The following ANXA4 variants were observed in gnomAD, a reference collection of about 807,000 sequenced individuals.
The protein encoded by ANXA4 is annexin A4, also known as 35-beta calcimedin.
ANXA4 carries 39 observed loss-of-function variants against 49.8 expected under a neutral mutation model. The observed-to-expected ratio is 0.78, with a 90% CI of 0.61 to 1.02. The LOEUF (loss-of-function observed/expected upper bound fraction) is 1.02. ANXA4 is among the 50% of genes least tolerant of loss of function. The probability of loss-of-function intolerance (pLI) is 0.00; values close to 1 mark genes in which losing one functional copy is unlikely to be tolerated. For synonymous variants in ANXA4, 134 were observed against 152.5 expected, an observed-to-expected ratio of 0.88 and a Z score of 0.89; for missense variants, 360 against 410.1, an observed-to-expected ratio of 0.88 and a Z score of 1.05.
intron 2 of ANXA4, among the ~76,000 whole-genome samples, chr2:69,658,781 GCC>G (rs1676603605): frequency 6.6e-6 from 1 of 152,084 alleles, no homozygotes; most frequent in African/African-American, 2.4e-5. Context: ...TGCAACCTCC[GCC>G]TCCCTGGTTC....
chr2:69,674,915 GT>G (rs71397341), intron 2 of ANXA4, among the ~76,000 whole-genome samples: 4,527 of 115,386 alleles, frequency 0.039, 135 homozygotes, highest in African/African-American at 0.12. Context: ...AACATAAACT[GT>G]TTTTTTTTTT....
intron 12 of ANXA4, among the ~76,000 whole-genome samples, chr2:69,821,255 T>C (rs2103896195): frequency 6.6e-6 from 1 of 152,206 alleles, no homozygotes; most frequent in South Asian, 2.1e-4. Flanking sequence ...GGCATGGTAG[T>C]GGTGAGAAAT....
At chr2:69,821,740 C>T (rs891190184) in intron 12 of ANXA4, among the ~76,000 whole-genome samples, 1 of 152,140 alleles carries the variant, frequency 6.6e-6, no homozygotes, top group East Asian at 1.9e-4. Flanking sequence ...GTGTGAGCCA[C>T]CATGCCCCAC....
At chr2:69,748,565 T>C (rs1670715428) in intron 1 of ANXA4, among the ~76,000 whole-genome samples, 1 of 151,186 alleles carries the variant, frequency 6.6e-6, no homozygotes, top group African/African-American at 2.4e-5. Flanking sequence ...ATTATTAATT[T>C]TACATATTAA....
At chr2:69,806,845 A>G (rs150013356) in intron 5 of ANXA4, among the ~76,000 whole-genome samples, 38 of 152,202 alleles carry the variant, frequency 2.5e-4, no homozygotes, top group African/African-American at 8.4e-4. Context: ...CTGTTGGAGG[A>G]TGGAGGGTGG....
chr2:69,809,150 C>T (rs559476110), intron 6 of ANXA4: 1 of 152,150 alleles, frequency 6.6e-6, no homozygotes, highest in Non-Finnish European at 1.5e-5. Context: ...GAAATGTTGT[C>T]AATGATTCTT....
chr2:69,806,263 GT>G, intron 4 of ANXA4, 121 bp from the exon 5 acceptor site: 1 of 652,390 alleles, frequency 1.5e-6, no homozygotes, highest in South Asian at 1.8e-5. Context: ...TCTGAGGATA[GT>G]TTTGACTTGC....
At chr2:69,653,490 C>CA (rs1676328597) in intron 2 of ANXA4, among the ~76,000 whole-genome samples, 1 of 152,136 alleles carries the variant, frequency 6.6e-6, no homozygotes, top group South Asian at 2.1e-4. Flanking sequence ...ACACAGGAAC[C>CA]AAATGCCCTC....
chr2:69,752,147 A>T (rs567829577), intron 1 of ANXA4, among the ~76,000 whole-genome samples: 8 of 152,290 alleles, frequency 5.3e-5, no homozygotes, highest in African/African-American at 1.9e-4. Flanking sequence ...TGAGAAAGCT[A>T]AGCCAAAGCA....
intron 2 of ANXA4, among the ~76,000 whole-genome samples, chr2:69,784,104 C>T (rs1672314949): frequency 6.6e-6 from 1 of 152,136 alleles, no homozygotes; most frequent in African/African-American, 2.4e-5. Flanking sequence ...CTTCCTATAT[C>T]CTCTCTGTTT....
chr2:69,650,628 A>AT (rs556278846), intron 1 of ANXA4, among the ~76,000 whole-genome samples: 48 of 152,062 alleles, frequency 3.2e-4, no homozygotes, highest in Non-Finnish European at 6.2e-4. Context: ...TTATTTCTTA[A>AT]TTTTTTGTAG....
intron 3 of ANXA4, among the ~76,000 whole-genome samples, chr2:69,735,595 T>C (rs114896072): frequency 0.011 from 1,458 of 136,970 alleles, 25 homozygotes; most frequent in African/African-American, 0.036. Context: ...GAGGGGAGAC[T>C]TGCCACTCTG....
At chr2:69,796,374 C>A (rs962022725) in intron 3 of ANXA4, among the ~76,000 whole-genome samples, 1 of 152,202 alleles carries the variant, frequency 6.6e-6, no homozygotes, top group Non-Finnish European at 1.5e-5. Flanking sequence ...TGGTAAAAGA[C>A]CAAGGTGGCC....
At chr2:69,757,267 T>TATATATATATATATATA (rs1491352039) in intron 1 of ANXA4, among the ~76,000 whole-genome samples, 1 of 20,536 alleles carries the variant, frequency 4.9e-5, no homozygotes, top group African/African-American at 2.6e-4. Context: ...TATATATATA[T>TATATATATATATATATA]TTTTTTTTTT....
intron 1 of ANXA4, among the ~76,000 whole-genome samples, chr2:69,754,235 C>T (rs1399664301): frequency 1.3e-5 from 2 of 152,152 alleles, no homozygotes; most frequent in Non-Finnish European, 2.9e-5. Flanking sequence ...AACTTATCCC[C>T]GTTCCCATTT....
At chr2:69,736,799 CTTAT>C (rs1305369105) in intron 3 of ANXA4, among the ~76,000 whole-genome samples, 2 of 152,086 alleles carry the variant, frequency 1.3e-5, no homozygotes, top group African/African-American at 2.4e-5. Flanking sequence ...ATTTTATTTA[CTTAT>C]TTATTTAATT....
At chr2:69,738,857 G>A (rs1670308258), upstream of ANXA4, among the ~76,000 whole-genome samples, 1 of 152,218 alleles carries the variant, frequency 6.6e-6, no homozygotes, top group Non-Finnish European at 1.5e-5. Flanking sequence ...ATAACACCAA[G>A]TGACCTTTCT....
chr2:69,748,710 C>CT (rs567935153), intron 1 of ANXA4, among the ~76,000 whole-genome samples: 32,099 of 132,570 alleles, frequency 0.24, 3,946 homozygotes, highest in East Asian at 0.4. Context: ...TACCCTACTT[C>CT]TTTTTTTTTT....
intron 4 of ANXA4, 94 bp from the exon 5 acceptor site, chr2:69,806,291 T>A (rs1673438298): frequency 1.2e-6 from 1 of 830,882 alleles, no homozygotes; most frequent in Admixed American, 2.0e-5. Context: ...CTTGAAAGGG[T>A]CTTGGAGACC....
Sources: allele counts gnomAD v4.1 joint callset (sites outside exome capture counted in the v4.1 genomes callset), GRCh38; gene constraint gnomAD v4.1.1; transcripts MANE v1.5; gene names NCBI Gene and HGNC (gene_info 2026-07-23, HGNC 2026-07-21).